ZNF536: variants seen among roughly 807,000 people sequenced by gnomAD.
ZNF536 encodes zinc finger protein 536.
Under a neutral mutation model 84.5 loss-of-function variants are expected in ZNF536, and 13 were observed. That is an observed-to-expected ratio of 0.15 (90% confidence interval 0.10 to 0.24). The LOEUF (loss-of-function observed/expected upper bound fraction) is 0.24, where lower values mean the gene tolerates loss of function less well. Among genes scored for constraint, ZNF536 ranks in the 10% least tolerant of loss-of-function variants. ZNF536 has a pLI of 1.00. For synonymous variants in ZNF536, 811 were observed against 742.5 expected (o/e 1.09, Z -1.50); for missense variants, 1,536 against 1,747.5 (o/e 0.88, Z 2.16).
At chr19:30,261,006 A>C (rs1015137181) in intron 1 of ZNF536, among the ~76,000 whole-genome samples, 1 of 152,126 alleles carries the variant, frequency 6.6e-6, no homozygotes, top group African/African-American at 2.4e-5. Context: ...TATTAGAAAA[A>C]TATAACTAGC....
chr19:30,567,231 T>G (rs1239303745), intron 1 of ZNF536, among the ~76,000 whole-genome samples: 1 of 152,248 alleles, frequency 6.6e-6, no homozygotes, highest in African/African-American at 2.4e-5. Context: ...GGGGCATTTC[T>G]GAGCCACGAT....
intron 1 of ZNF536, among the ~76,000 whole-genome samples, chr19:30,267,440 G>A (rs897833186): frequency 3.9e-5 from 6 of 151,984 alleles, no homozygotes; most frequent in Non-Finnish European, 8.8e-5. Context: ...AGAAAAGGAG[G>A]GGGACTCTTC....
chr19:30,541,352 A>G (rs2045324466), intron 3 of ZNF536, among the ~76,000 whole-genome samples: 1 of 151,900 alleles, frequency 6.6e-6, no homozygotes, highest in Non-Finnish European at 1.5e-5. Context: ...AAAAGAGAGC[A>G]TGCATTTTTG....
At chr19:30,503,364 A>T (rs1206910895) in intron 2 of ZNF536, among the ~76,000 whole-genome samples, 1 of 152,244 alleles carries the variant, frequency 6.6e-6, no homozygotes, top group Non-Finnish European at 1.5e-5. Context: ...CGATTCAGAG[A>T]AGAAGAAATA....
At chr19:30,574,362 G>A (rs1357833261) in intron 1 of ZNF536, among the ~76,000 whole-genome samples, 3 of 152,368 alleles carry the variant, frequency 2.0e-5, no homozygotes, top group Middle Eastern at 3.4e-3. Flanking sequence ...GGGTTCCTCT[G>A]CAAAGAAAGG....
At chr19:30,656,852 G>T (rs2049933601) in intron 1 of ZNF536, among the ~76,000 whole-genome samples, 1 of 152,184 alleles carries the variant, frequency 6.6e-6, no homozygotes. Context: ...CTGAACCATG[G>T]AAATCGCAGG....
chr19:30,324,099 A>G (rs1419861294), intron 2 of ZNF536, among the ~76,000 whole-genome samples: 1 of 150,938 alleles, frequency 6.6e-6, no homozygotes, highest in East Asian at 1.9e-4. Flanking sequence ...TCATCCATCT[A>G]TCATCCATCA....
chr19:30,379,897 T>C (rs2048958587), intron 1 of ZNF536, among the ~76,000 whole-genome samples: 1 of 152,156 alleles, frequency 6.6e-6, no homozygotes, highest in Admixed American at 6.5e-5. Context: ...CTTGCCTAAT[T>C]TCATCTTCAC....
At position 30,548,442 on chromosome 19, in the gene ZNF536, G is replaced by A. The variant is rs2146201556; in HGVS notation, c.2823G>A (p.Leu941=). 2 of 1,614,160 alleles carry A rather than the reference G, an allele frequency of 1.2e-6. No homozygotes were observed. Among genetic ancestry groups the A allele is most frequent in the Non-Finnish European group, 1.7e-6 (2 of 1,180,024 alleles). ...KKEKDMKDKA[L]ADPPSMKVHG... ...AGAAGGACATGAAGGACAAAGCCCTGGCTGACCCCCCTTCCATGAAAGTCC... is the reference window on the plus strand; with the variant it reads ...AGAAGGACATGAAGGACAAAGCCCTAGCTGACCCCCCTTCCATGAAAGTCC... The change falls in exon 4 of 5, where the codon CTG becomes CTA. Residue 941 remains leucine, a synonymous_variant. Coordinates refer to ENST00000355537, the MANE Select transcript of ZNF536 (RefSeq NM_014717.3).
chr19:30,288,801 G>A (rs1285267779), intron 2 of ZNF536, among the ~76,000 whole-genome samples: 1 of 152,178 alleles, frequency 6.6e-6, no homozygotes, highest in Non-Finnish European at 1.5e-5. Context: ...TTTAGTACAA[G>A]CATGGCACCG....
intron 2 of ZNF536, among the ~76,000 whole-genome samples, chr19:30,457,579 G>T (rs773398551): frequency 1.3e-4 from 20 of 152,188 alleles, no homozygotes; most frequent in Admixed American, 9.8e-4. Context: ...TCTGGGGGAC[G>T]CAGGACAGTT....
At chr19:30,674,651 A>C (rs1230659470) in intron 1 of ZNF536, among the ~76,000 whole-genome samples, 3 of 152,168 alleles carry the variant, frequency 2.0e-5, no homozygotes, top group Non-Finnish European at 4.4e-5. Flanking sequence ...TTTGTCTGGT[A>C]AATTGCTGCC....
intron 1 of ZNF536, among the ~76,000 whole-genome samples, chr19:30,685,973 G>A (rs1246848377): frequency 6.6e-6 from 1 of 152,216 alleles, no homozygotes. Context: ...TCTGGGTGGG[G>A]AAGACCCCAG....
intron 1 of ZNF536, among the ~76,000 whole-genome samples, chr19:30,633,747 A>AT (rs1490094229): frequency 2.0e-5 from 3 of 151,768 alleles, no homozygotes; most frequent in South Asian, 2.1e-4. Context: ...AAATTTTTTA[A>AT]TTTTTTTGTA....
At chr19:30,532,294 C>G (rs2044867466) in intron 2 of ZNF536, among the ~76,000 whole-genome samples, 1 of 151,960 alleles carries the variant, frequency 6.6e-6, no homozygotes, top group South Asian at 2.1e-4. Flanking sequence ...TACCACCTGG[C>G]TAGTTTTTGT....
intron 1 of ZNF536, among the ~76,000 whole-genome samples, chr19:30,237,775 CTT>C (rs36015370): frequency 6.8e-6 from 1 of 147,548 alleles, no homozygotes; most frequent in African/African-American, 2.5e-5. Flanking sequence ...TCTATAAGTT[CTT>C]TTTTTTTTTG....
At position 30,386,061 on chromosome 19, in the gene ZNF536, T is replaced by C. The variant is rs150064631; in HGVS notation, c.-3+13505T>C. 1.7e-3 allele frequency among the ~76,000 whole-genome samples: 252 copies of C among 152,304 alleles called. 2 individuals carry two copies. Among genetic ancestry groups the C allele is most frequent in the African/African-American group, 5.7e-3 (236 of 41,566 alleles). ...CATTCTGATGTCAGCTGGTGTTGCA[T>C]CCAAGGCCCCTCAATACTGGTCCCA... On this transcript the variant is annotated intron_variant, in intron 1 of 4. Transcript: ENST00000355537.
At chr19:30,685,605 A>T (rs1211989439) in intron 1 of ZNF536, among the ~76,000 whole-genome samples, 1 of 152,212 alleles carries the variant, frequency 6.6e-6, no homozygotes, top group African/African-American at 2.4e-5. Flanking sequence ...CGATTTTAAA[A>T]AAATAAATGC....
Position 30,304,454 on chromosome 19 carries a change from C to A in ZNF536, c.-120+20313C>A, listed in dbSNP as rs193135196. On this transcript the variant is annotated intron_variant, in intron 2 of 5. Coordinates refer to the ZNF536 transcript ENST00000585628. Reference sequence around the variant, plus strand: ...TTCTCCTGCAAGGAAAGCTGAGGTCCAGAGACTTTGCAGAGCTAGAATCCA... The same window carrying A: ...TTCTCCTGCAAGGAAAGCTGAGGTCAAGAGACTTTGCAGAGCTAGAATCCA... 2.8e-4 allele frequency among the ~76,000 whole-genome samples: 42 copies of A among 152,284 alleles called. 1 individual carries two copies. The highest frequency in any genetic ancestry group is 2.4e-3 in the Admixed American group (37 of 15,304).
Sources: allele counts gnomAD v4.1 joint callset (sites outside exome capture counted in the v4.1 genomes callset), GRCh38; gene constraint gnomAD v4.1.1; transcripts MANE v1.5; gene names NCBI Gene and HGNC (gene_info 2026-07-23, HGNC 2026-07-21).